The following THAP4 variants were observed in gnomAD, a reference collection of about 807,000 sequenced individuals.
THAP4 encodes the protein peroxynitrite isomerase THAP4.
In THAP4, 18 loss-of-function variants were observed where a neutral mutation model predicts 48.1. The ratio of observed to expected loss-of-function variants is 0.37; its 90% CI spans 0.26 to 0.56. THAP4 has a LOEUF of 0.56. Among genes scored for constraint, THAP4 ranks in the 20% least tolerant of loss-of-function variants. The probability of loss-of-function intolerance (pLI) is 0.78; values close to 1 mark genes in which losing one functional copy is unlikely to be tolerated. For synonymous variants in THAP4, 345 were observed against 324.9 expected (o/e 1.06, Z -0.66); for missense variants, 656 against 774.9 (o/e 0.85, Z 1.82).
chr2:241,590,762 C>A (rs1410920069), intron 5 of THAP4, among the ~76,000 whole-genome samples: 1 of 151,380 alleles, frequency 6.6e-6, no homozygotes, highest in African/African-American at 2.4e-5. Context: ...AACTGCCCGG[C>A]TGATGATGAG....
At chr2:241,588,728 A>G (rs912722315) in intron 5 of THAP4, among the ~76,000 whole-genome samples, 1 of 152,202 alleles carries the variant, frequency 6.6e-6, no homozygotes, top group African/African-American at 2.4e-5. Context: ...CTGTATGAGG[A>G]AAAATGGAAA....
intron 1 of THAP4, among the ~76,000 whole-genome samples, chr2:241,636,635 G>A (rs933736828): frequency 1.3e-5 from 2 of 152,186 alleles, no homozygotes; most frequent in East Asian, 1.9e-4. Context: ...AGTCGCGGCC[G>A]AGCAGGACAA....
In THAP4 at chr2:241,616,699, G is replaced by A. The variant is rs973800347; in HGVS notation, c.1241-10226C>T. On this transcript the variant is annotated intron_variant, in intron 2 of 5. Transcript: ENST00000407315. The surrounding 1 kb of genome is among the most constrained non-coding windows in gnomAD (Gnocchi z 4.6). ...GATAGCTCTGAAATTCAGAAGAAAC[G>A]CTTTTGAGCAGAAAAAATAACATCA... Among the ~76,000 whole-genome samples the A allele has an allele frequency of 7.2e-5, 11 of 152,236 alleles. No homozygotes were observed. The highest frequency in any genetic ancestry group is 1.2e-4 in the Non-Finnish European group (8 of 68,014).
chr2:241,632,249 T>C (rs577054033), intron 2 of THAP4, among the ~76,000 whole-genome samples: 9 of 152,154 alleles, frequency 5.9e-5, no homozygotes, highest in African/African-American at 2.2e-4. Flanking sequence ...TGCACCACCA[T>C]GTGCAGCTAG....
intron 2 of THAP4, among the ~76,000 whole-genome samples, chr2:241,623,606 A>T: frequency 6.7e-6 from 1 of 149,046 alleles, no homozygotes; most frequent in South Asian, 2.1e-4. Flanking sequence ...AAAAAAAAAG[A>T]GAGAAGGTAC....
intron 5 of THAP4, among the ~76,000 whole-genome samples, chr2:241,597,652 T>C (rs1485798600): frequency 6.6e-6 from 1 of 152,222 alleles, no homozygotes. Context: ...CCAGCTCTTC[T>C]TGCCTCCTGC....
intron 2 of THAP4, among the ~76,000 whole-genome samples, chr2:241,625,819 A>AAAAAAAAAAAAAAG (rs1559233376): frequency 1.4e-5 from 2 of 140,692 alleles, no homozygotes; most frequent in African/African-American, 5.6e-5. Context: ...AAAAAAAAAA[A>AAAAAAAAAAAAAAG]AAAAAGAAAA....
intron 5 of THAP4, among the ~76,000 whole-genome samples, chr2:241,600,671 T>C (rs1055293923): frequency 6.9e-6 from 1 of 144,136 alleles, no homozygotes; most frequent in African/African-American, 2.6e-5. Flanking sequence ...GAACATGCAG[T>C]GAGCCGAGAT....
intron 2 of THAP4, among the ~76,000 whole-genome samples, chr2:241,609,432 GCT>G (rs1411626717): frequency 6.6e-6 from 1 of 152,250 alleles, no homozygotes; most frequent in Non-Finnish European, 1.5e-5. Context: ...CAGACAGCCA[GCT>G]ATAGCCTTGG....
intron 2 of THAP4, among the ~76,000 whole-genome samples, chr2:241,609,501 G>C (rs1312956861): frequency 6.6e-6 from 1 of 152,206 alleles, no homozygotes; most frequent in African/African-American, 2.4e-5. Context: ...AAGAGGCTTT[G>C]GGCCGGGCGC....
At chr2:241,595,777 CCTCT>C (rs1287015162) in intron 5 of THAP4, among the ~76,000 whole-genome samples, 3 of 152,176 alleles carry the variant, frequency 2.0e-5, no homozygotes, top group Non-Finnish European at 4.4e-5. Flanking sequence ...ACTGTGCCTC[CCTCT>C]ACCAGCAGAG....
At chr2:241,637,527 C>A (rs1219509639), upstream of THAP4, 2 of 1,443,952 alleles carry the variant, frequency 1.4e-6, no homozygotes, top group Non-Finnish European at 9.0e-7. Flanking sequence ...CGCAGGGCGC[C>A]CCGGGGCTCG....
At chr2:241,625,137 T>G (rs924123490) in intron 2 of THAP4, among the ~76,000 whole-genome samples, 1 of 151,976 alleles carries the variant, frequency 6.6e-6, no homozygotes, top group Non-Finnish European at 1.5e-5. Flanking sequence ...CCTAACTCAT[T>G]CTGTGTGTCC....
At chr2:241,590,610 T>C (rs62192981) in intron 5 of THAP4, among the ~76,000 whole-genome samples, 482 of 46,876 alleles carry the variant, frequency 0.01, no homozygotes, top group African/African-American at 0.028. Flanking sequence ...GCTCGGCTGA[T>C]GATGATGGGC....
At chr2:241,630,525 C>T (rs2125098276) in intron 2 of THAP4, among the ~76,000 whole-genome samples, 1 of 152,232 alleles carries the variant, frequency 6.6e-6, no homozygotes, top group Middle Eastern at 3.4e-3. Flanking sequence ...CTTTAAAATT[C>T]CAAGAGAAGC....
rs772426116 is a variant in THAP4, at chr2:241,603,093, T to TG, written c.1401-15dup. On this transcript the variant is annotated splice_polypyrimidine_tract_variant and intron_variant, in intron 3 of 5. Coordinates refer to ENST00000407315, the MANE Select transcript of THAP4 (RefSeq NM_015963.6). ...AAGGAGTTGAACCTGGACGGGAAGT[T>TG]GGAGTTGAGAAGCCCAGGCACTGGC... 1.6e-5 allele frequency: 26 copies of TG among 1,609,432 alleles called. No individual in the cohort carries two copies. Among genetic ancestry groups the TG allele is most frequent in the Admixed American group, 1.3e-4 (8 of 59,982 alleles).
rs1392835623 is a variant in THAP4, at chr2:241,585,808, G to C, written c.1615-1083C>G. On this transcript the variant is annotated intron_variant, in intron 5 of 5. Coordinates refer to ENST00000407315, the MANE Select transcript of THAP4 (RefSeq NM_015963.6). Reference sequence around the variant, plus strand: ...TGCACATGTAGTCCCAGCTACTCGGGAAGTTGAGGCAGCAGAATTGCTTGA... The same window carrying C: ...TGCACATGTAGTCCCAGCTACTCGGCAAGTTGAGGCAGCAGAATTGCTTGA... Among the ~76,000 whole-genome samples, 4 of 150,790 alleles carry C rather than the reference G, an allele frequency of 2.7e-5. No individual in the cohort carries two copies. The South Asian group carries it at 8.4e-4, about 32-fold the overall frequency.
chr2:241,606,342 G>A lies in THAP4; in HGVS notation c.1372C>T (p.His458Tyr). 1.3e-6 allele frequency: 2 copies of A among 1,566,222 alleles called. No individual in the cohort carries two copies. The highest frequency in any genetic ancestry group is 8.7e-7 in the Non-Finnish European group (1 of 1,155,142). ...AAGTTCAGCATGGGCTGGCCCACGT[G>A]GGAGATGTGAACCTCCTCCAGGTAC... ...FQYLEEVHIS[H>Y]VGQPMLNFSF... The change falls in exon 3 of 6, where the codon CAC becomes TAC. Residue 458 changes from histidine (H) to tyrosine (Y), a missense_variant. His to Tyr is a moderately conservative substitution (Grantham distance 83). Transcript: ENST00000407315.
intron 5 of THAP4, among the ~76,000 whole-genome samples, chr2:241,595,295 G>A (rs141058065): frequency 9.9e-4 from 150 of 152,282 alleles, no homozygotes; most frequent in Non-Finnish European, 1.5e-3. Flanking sequence ...GATTACAGGC[G>A]TGAGCCACCG....
Sources: allele counts gnomAD v4.1 joint callset (sites outside exome capture counted in the v4.1 genomes callset), GRCh38; gene constraint gnomAD v4.1.1; non-coding constraint Gnocchi (gnomAD v3.1); transcripts MANE v1.5; gene names NCBI Gene and HGNC (gene_info 2026-07-23, HGNC 2026-07-21).